The following NTRK3 variants were observed in gnomAD, a reference collection of about 807,000 sequenced individuals.
NTRK3 encodes NT-3 growth factor receptor.
In NTRK3, 24 loss-of-function variants were observed where a neutral mutation model predicts 91.7. That is an observed-to-expected ratio of 0.26 (90% CI 0.19 to 0.37). The LOEUF (loss-of-function observed/expected upper bound fraction) is 0.37, where lower values mean the gene tolerates loss of function less well. NTRK3 is among the 10% of genes least tolerant of loss of function. The pLI, the probability that NTRK3 is intolerant of heterozygous loss-of-function variation, is 1.00. For synonymous variants in NTRK3, 483 were observed against 404.0 expected, an observed-to-expected ratio of 1.20 and a Z score of -2.34; for missense variants, 880 against 1,068.9, an observed-to-expected ratio of 0.82 and a Z score of 2.46.
chr15:88,150,568 T>C (rs2043280769), intron 5 of NTRK3, among the ~76,000 whole-genome samples: 1 of 151,962 alleles, frequency 6.6e-6, no homozygotes, highest in Non-Finnish European at 1.5e-5. Context: ...CTCCCGCTCT[T>C]TGGGTGGATG....
intron 17 of NTRK3, among the ~76,000 whole-genome samples, chr15:87,897,842 G>A (rs896310227): frequency 3.3e-5 from 5 of 152,112 alleles, no homozygotes; most frequent in Admixed American, 1.3e-4. Context: ...CATATCCTGT[G>A]TATACAGGAT....
At position 88,119,140 on chromosome 15, in the gene NTRK3, G is replaced by A. The variant is rs55917500; in HGVS notation, c.1396+7131C>T. Reference sequence around the variant, plus strand: ...AGCCTCCACACGACCAATGGTGACCGTGTAGGGACTTCTATGATGATTCAC... The same window carrying A: ...AGCCTCCACACGACCAATGGTGACCATGTAGGGACTTCTATGATGATTCAC... On this transcript the variant is annotated intron_variant, in intron 13 of 18. Coordinates refer to ENST00000394480, the Ensembl canonical transcript of NTRK3. Among the ~76,000 whole-genome samples the A allele has an allele frequency of 6.8e-3, 1,034 of 152,352 alleles. 4 individuals carry two copies. Among genetic ancestry groups the A allele is most frequent in the South Asian group, 0.018 (86 of 4,822 alleles).
chr15:88,138,698 T>A (rs922777244), intron 6 of NTRK3, among the ~76,000 whole-genome samples: 2 of 152,230 alleles, frequency 1.3e-5, no homozygotes, highest in Admixed American at 1.3e-4. Flanking sequence ...AGGCTGGCTC[T>A]CTCAGTCTAA....
chr15:87,860,597 C>G (rs946939229), exon 19 of NTRK3: 4 of 206,928 alleles, frequency 1.9e-5, no homozygotes, highest in Admixed American at 1.8e-4. Context: ...CCAAGACTCG[C>G]CAGGATGCAA....
chr15:88,196,979 C>A (rs1271886918), intron 3 of NTRK3, among the ~76,000 whole-genome samples: 1 of 151,710 alleles, frequency 6.6e-6, no homozygotes, highest in Non-Finnish European at 1.5e-5. Flanking sequence ...GTACTCCTGA[C>A]TTGAAACATG....
intron 14 of NTRK3, among the ~76,000 whole-genome samples, chr15:88,003,393 T>C (rs1483464358): frequency 6.6e-6 from 1 of 152,234 alleles, no homozygotes; most frequent in Non-Finnish European, 1.5e-5. Flanking sequence ...AATTCTTGAC[T>C]GGCATGATCT....
intron 13 of NTRK3, 52 bp from the exon 14 acceptor site, chr15:88,033,097 T>G (rs540451806): frequency 6.5e-7 from 1 of 1,528,434 alleles, no homozygotes; most frequent in Admixed American, 2.0e-5. Context: ...TCCGGCCAGT[T>G]TCCAGCCCTG....
At chr15:88,064,748 G>T (rs1341667399) in intron 13 of NTRK3, among the ~76,000 whole-genome samples, 1 of 152,162 alleles carries the variant, frequency 6.6e-6, no homozygotes, top group African/African-American at 2.4e-5. Context: ...GGTTATGGGG[G>T]TCTCTGCTGC....
chr15:88,014,386 T>C (rs528796573), intron 14 of NTRK3, among the ~76,000 whole-genome samples: 1 of 152,342 alleles, frequency 6.6e-6, no homozygotes, highest in South Asian at 2.1e-4. Flanking sequence ...TTGAACTATG[T>C]GTTTGGCCCT....
intron 3 of NTRK3, among the ~76,000 whole-genome samples, chr15:88,187,933 CA>C (rs374017458): frequency 0.024 from 2,773 of 114,384 alleles, 65 homozygotes; most frequent in African/African-American, 0.074. Flanking sequence ...GACACTGTCT[CA>C]AAAAAAAAAA....
chr15:88,171,282 A>G (rs892030849), intron 5 of NTRK3, among the ~76,000 whole-genome samples: 1 of 152,168 alleles, frequency 6.6e-6, no homozygotes, highest in Non-Finnish European at 1.5e-5. Context: ...TGAGAATAAC[A>G]GTAATACACT....
intron 13 of NTRK3, among the ~76,000 whole-genome samples, chr15:88,067,199 C>T (rs771320331): frequency 6.6e-6 from 1 of 152,130 alleles, no homozygotes; most frequent in African/African-American, 2.4e-5. Flanking sequence ...TTCAGCACAG[C>T]CCCTCAGAGT....
rs1597789559 is a variant in NTRK3, at chr15:88,178,706, A to G, written c.395+4712T>C. Among the ~76,000 whole-genome samples the G allele has an allele frequency of 3.9e-5, 6 of 152,380 alleles. 1 individual carries two copies. Among genetic ancestry groups the G allele is most frequent in the Admixed American group, 3.9e-4 (6 of 15,312 alleles). On this transcript the variant is annotated intron_variant, in intron 5 of 18. Coordinates refer to ENST00000394480, the Ensembl canonical transcript of NTRK3. ...AAATATTCTTGGAAATAAGTAGGCC[A>G]TAGGCTAATGCTAAGAAATCTTTCA...
intron 13 of NTRK3, among the ~76,000 whole-genome samples, chr15:88,059,810 G>C (rs1389001727): frequency 6.6e-6 from 1 of 152,130 alleles, no homozygotes; most frequent in Non-Finnish European, 1.5e-5. Flanking sequence ...GTCTTTAAGG[G>C]GATAACTAGG....
Position 87,954,007 on chromosome 15 carries a change from A to AGTGTGTGTGT in NTRK3, c.1586-13264_1586-13255dup, listed in dbSNP as rs61653896. 4.9e-3 allele frequency among the ~76,000 whole-genome samples: 622 copies of AGTGTGTGTGT among 127,728 alleles called. 12 individuals are homozygous for AGTGTGTGTGT. Among genetic ancestry groups the AGTGTGTGTGT allele is most frequent in the East Asian group, 0.022 (90 of 4,016 alleles). 83.8% of individuals were successfully genotyped at this position (127,728 alleles called of 152,430 possible). On this transcript the variant is annotated intron_variant, in intron 14 of 18. Coordinates refer to ENST00000394480, the Ensembl canonical transcript of NTRK3. ...TGCTCTGCTCCTGCCAGACCTTTTCAGTGTGTGTGTGTGTGTGTGTGTGTG... is the reference window on the plus strand; with the variant it reads ...TGCTCTGCTCCTGCCAGACCTTTTCAGTGTGTGTGTGTGTGTGTGTGTGTGTGTGTGTGTG...
intron 3 of NTRK3, among the ~76,000 whole-genome samples, chr15:88,196,656 A>G (rs1391458179): frequency 6.6e-6 from 1 of 152,234 alleles, no homozygotes; most frequent in Non-Finnish European, 1.5e-5. Flanking sequence ...AAGGAAATGC[A>G]GGTTTCTCTC....
intron 14 of NTRK3, among the ~76,000 whole-genome samples, chr15:88,005,475 A>G (rs559503057): frequency 1.9e-4 from 29 of 152,280 alleles, no homozygotes; most frequent in African/African-American, 6.0e-4. Context: ...GCCCTAAAAC[A>G]CACTGTTCTG....
chr15:87,918,515 A>G (rs559918438), intron 17 of NTRK3, among the ~76,000 whole-genome samples: 2 of 152,292 alleles, frequency 1.3e-5, no homozygotes, highest in African/African-American at 4.8e-5. Flanking sequence ...TGATGGAGAT[A>G]TCTTCCTAAA....
At chr15:87,860,407 C>A (rs2064492697) in exon 19 of NTRK3, 1 of 220,676 alleles carries the variant, frequency 4.5e-6, no homozygotes, top group South Asian at 1.8e-4. Flanking sequence ...GGGCACTTGC[C>A]TTTTCAACAT....
Sources: allele counts gnomAD v4.1 joint callset (sites outside exome capture counted in the v4.1 genomes callset), GRCh38; gene constraint gnomAD v4.1.1; transcripts MANE v1.5; gene names NCBI Gene and HGNC (gene_info 2026-07-23, HGNC 2026-07-21).